The following TSHZ2 variants were observed in gnomAD, a reference collection of about 807,000 sequenced individuals.
TSHZ2 encodes teashirt homolog 2.
Under a neutral mutation model 74.4 loss-of-function variants are expected in TSHZ2, and 21 were observed. That is an observed-to-expected ratio of 0.28 (90% CI 0.20 to 0.41). The LOEUF is 0.41. Ranked by LOEUF, TSHZ2 falls within the 10% of genes least tolerant of loss-of-function variation. The pLI, the probability that TSHZ2 is intolerant of heterozygous loss-of-function variation, is 1.00. For missense variants in TSHZ2, 1,244 were observed against 1,293.5 expected (o/e 0.96, Z 0.59); for synonymous variants, 540 against 515.3 (o/e 1.05, Z -0.65).
At chr20:53,141,420 G>A (rs1057130247) in intron 1 of TSHZ2, among the ~76,000 whole-genome samples, 7 of 152,226 alleles carry the variant, frequency 4.6e-5, no homozygotes, top group Non-Finnish European at 8.8e-5. Flanking sequence ...TCCCCACCGT[G>A]TTAATGTGCA....
intron 2 of TSHZ2, among the ~76,000 whole-genome samples, chr20:53,309,673 T>C (rs1978696091): frequency 6.6e-6 from 1 of 152,240 alleles, no homozygotes; most frequent in African/African-American, 2.4e-5. Flanking sequence ...ATATTAATAT[T>C]GCTGCTTCTT....
intron 2 of TSHZ2, among the ~76,000 whole-genome samples, chr20:53,393,787 C>T (rs919117175): frequency 3.3e-5 from 5 of 152,268 alleles, no homozygotes; most frequent in African/African-American, 4.8e-5. Context: ...TTAAGATTGA[C>T]GTCTCCACGG....
At chr20:53,455,664 T>C (rs1329029324) in intron 2 of TSHZ2, among the ~76,000 whole-genome samples, 2 of 152,100 alleles carry the variant, frequency 1.3e-5, no homozygotes, top group Non-Finnish European at 2.9e-5. Flanking sequence ...CTGCACCCAC[T>C]AACTCGTCAT....
chr20:53,004,139 T>C (rs1310338606), intron 1 of TSHZ2, among the ~76,000 whole-genome samples: 4 of 151,782 alleles, frequency 2.6e-5, no homozygotes, highest in Admixed American at 6.6e-5. Context: ...ACGCACCCAC[T>C]CCCCCCCTCC....
intron 1 of TSHZ2, among the ~76,000 whole-genome samples, chr20:53,130,325 T>C (rs1422748982): frequency 6.6e-6 from 1 of 152,120 alleles, no homozygotes; most frequent in Non-Finnish European, 1.5e-5. Context: ...GTTGTTGTTA[T>C]TTAAAGTAAC....
At chr20:53,072,871 A>C (rs1305000459) in intron 1 of TSHZ2, among the ~76,000 whole-genome samples, 1 of 152,170 alleles carries the variant, frequency 6.6e-6, no homozygotes, top group African/African-American at 2.4e-5. Context: ...ACTTCTGCCC[A>C]TCCATCCATC....
intron 1 of TSHZ2, among the ~76,000 whole-genome samples, chr20:53,110,443 C>G (rs1986500092): frequency 6.6e-6 from 1 of 152,160 alleles, no homozygotes; most frequent in South Asian, 2.1e-4. Context: ...AACATTCCAT[C>G]TGAGAGAGTG....
At chr20:53,202,770 G>A (rs1279326674) in intron 1 of TSHZ2, among the ~76,000 whole-genome samples, 5 of 152,184 alleles carry the variant, frequency 3.3e-5, no homozygotes, top group Non-Finnish European at 7.3e-5. Flanking sequence ...GTCAGGTTTA[G>A]CATTGGAAGC....
At chr20:53,296,143 T>A (rs1486538555) in intron 2 of TSHZ2, among the ~76,000 whole-genome samples, 2 of 152,198 alleles carry the variant, frequency 1.3e-5, no homozygotes, top group African/African-American at 4.8e-5. Context: ...CTCCAAAATT[T>A]TTTTTAATGG....
intron 2 of TSHZ2, among the ~76,000 whole-genome samples, chr20:53,387,859 C>A (rs1052408228): frequency 6.6e-6 from 1 of 152,034 alleles, no homozygotes; most frequent in Non-Finnish European, 1.5e-5. Flanking sequence ...CCAGCCTGGG[C>A]AACATGGTGA....
chr20:53,302,816 A>C (rs1978362636), intron 2 of TSHZ2, among the ~76,000 whole-genome samples: 2 of 152,220 alleles, frequency 1.3e-5, no homozygotes, highest in Non-Finnish European at 2.9e-5. Context: ...CATAAAATTT[A>C]AATGAACCCC....
chr20:53,022,785 T>C (rs773945355), intron 1 of TSHZ2, among the ~76,000 whole-genome samples: 8 of 152,200 alleles, frequency 5.3e-5, no homozygotes, highest in African/African-American at 7.2e-5. Context: ...TCACAGAACA[T>C]ATGTGGTTGA....
At chr20:53,013,337 T>C (rs554174760) in intron 1 of TSHZ2, among the ~76,000 whole-genome samples, 120 of 152,188 alleles carry the variant, frequency 7.9e-4, no homozygotes, top group African/African-American at 2.8e-3. Context: ...TTGTCCTCAA[T>C]GGTTTCTGAG....
At chr20:53,418,290 C>T (rs980525340) in intron 2 of TSHZ2, among the ~76,000 whole-genome samples, 1 of 152,188 alleles carries the variant, frequency 6.6e-6, no homozygotes. Context: ...GAAGCCTCTA[C>T]GTGGTCCTGG....
At chr20:53,259,493 T>C (rs1189761631) in intron 2 of TSHZ2, among the ~76,000 whole-genome samples, 1 of 152,236 alleles carries the variant, frequency 6.6e-6, no homozygotes, top group East Asian at 1.9e-4. Flanking sequence ...TCTTGACTAA[T>C]AGAAATTAAA....
intron 1 of TSHZ2, among the ~76,000 whole-genome samples, chr20:53,234,419 C>T (rs887879434): frequency 5.3e-5 from 8 of 152,108 alleles, no homozygotes; most frequent in African/African-American, 1.9e-4. Context: ...ACAAAGATAC[C>T]GGTTCTTACA....
At chr20:53,178,318 C>G (rs1988393035) in intron 1 of TSHZ2, 1 of 152,234 alleles carries the variant, frequency 6.6e-6, no homozygotes, top group Non-Finnish European at 1.5e-5. Flanking sequence ...GGCAGCACAG[C>G]CCCTGATGGA....
chr20:52,973,373 C>G (rs1233727178), intron 1 of TSHZ2, 40 bp downstream of exon 1: 3 of 1,548,476 alleles, frequency 1.9e-6, no homozygotes, highest in Non-Finnish European at 2.6e-6. Flanking sequence ...CCCTGTGCGC[C>G]GAGCTCCTCG....
chr20:53,462,499 T>C (rs563664483), intron 2 of TSHZ2, among the ~76,000 whole-genome samples: 1 of 152,200 alleles, frequency 6.6e-6, no homozygotes, highest in Non-Finnish European at 1.5e-5. Context: ...TCCTTTACCT[T>C]CCCTACTGCC....
Sources: gnomAD v4.1 joint callset for allele counts (sites outside exome capture counted in the v4.1 genomes callset) on GRCh38, gnomAD v4.1.1 for gene constraint, MANE v1.5 for transcripts, NCBI Gene and HGNC (gene_info 2026-07-23, HGNC 2026-07-21) for gene names.